Variants in TMTC4 observed in about 807,000 individuals in gnomAD.
The protein encoded by TMTC4 is protein O-mannosyl-transferase TMTC4.
Under a neutral mutation model 86.0 loss-of-function variants are expected in TMTC4, and 65 were observed. That is an observed-to-expected ratio of 0.76 (90% CI 0.62 to 0.93). TMTC4 has a LOEUF of 0.93. Among genes scored for constraint, TMTC4 ranks in the 40% least tolerant of loss-of-function variants. The pLI, the probability that TMTC4 is intolerant of heterozygous loss-of-function variation, is 0.00. For missense variants in TMTC4, 866 were observed against 948.1 expected (o/e 0.91, Z 1.14); for synonymous variants, 379 against 382.5 (o/e 0.99, Z 0.11).
chr13:100,673,265 GCTGACACGGCAGC>G, intron 1 of TMTC4: 1 of 976,924 alleles, frequency 1.0e-6, no homozygotes, highest in Non-Finnish European at 1.2e-6. Flanking sequence ...CCCAATGACA[GCTGACACGGCAGC>G]CTGGACTGCG....
chr13:100,604,931 A>G lies in TMTC4; in HGVS notation c.*63T>C. ...CTTTTAAATGGTTAAATGTAACCAC[A>G]TACTATTAATGATATGCCTCATGCA... On this transcript the variant is annotated 3_prime_UTR_variant, in exon 19 of 19. Transcript: ENST00000342624. The G allele has an allele frequency of 2.6e-6, 4 of 1,527,422 alleles. No homozygotes were observed. The highest frequency in any genetic ancestry group is 3.5e-6 in the Non-Finnish European group (4 of 1,137,594). The allele number at this position is 1,527,422 out of a possible 1,614,324, so 94.6% of individuals were successfully genotyped here.
In TMTC4 at chr13:100,652,641, GAAGT is replaced by G. The variant is rs1046444915; in HGVS notation, c.640+3736_640+3739del. Among the ~76,000 whole-genome samples the G allele has an allele frequency of 1.8e-4, 27 of 152,172 alleles. No individual in the cohort carries two copies. The South Asian group carries it at 5.6e-3, about 32-fold the overall frequency. The stretch of plus-strand genomic sequence containing the variant: ...GAAGGAAATTTAATAGAAGATGAAG[GAAGT>G]AAGTAGAACAAAGGCCATGGCCTCC... On this transcript the variant is annotated intron_variant, in intron 6 of 18. Coordinates refer to ENST00000342624, the MANE Select transcript of TMTC4 (RefSeq NM_032813.5).
chr13:100,660,840 G>A (rs7336855), intron 5 of TMTC4, among the ~76,000 whole-genome samples: 27,694 of 151,958 alleles, frequency 0.18, 2,977 homozygotes, highest in Middle Eastern at 0.26. Context: ...TTTTAGTAGA[G>A]ACGGTTTTTC....
chr13:100,611,351 C>T (rs1172336352), intron 17 of TMTC4, among the ~76,000 whole-genome samples: 1 of 151,952 alleles, frequency 6.6e-6, no homozygotes, highest in Non-Finnish European at 1.5e-5. Context: ...TTTGGGAAGC[C>T]GAGGAGGGTG....
At chr13:100,633,257 C>T (rs557763564) in intron 12 of TMTC4, among the ~76,000 whole-genome samples, 210 of 137,318 alleles carry the variant, frequency 1.5e-3, no homozygotes, top group African/African-American at 5.5e-3. Flanking sequence ...TGCAGTGAGC[C>T]GAGATCAGGC....
At chr13:100,620,379 G>C (rs1879291866) in intron 15 of TMTC4, among the ~76,000 whole-genome samples, 1 of 152,184 alleles carries the variant, frequency 6.6e-6, no homozygotes, top group South Asian at 2.1e-4. Flanking sequence ...GCAGTGGTCT[G>C]TCTCCATGAT....
chr13:100,630,043 G>A (rs868099281), intron 12 of TMTC4, among the ~76,000 whole-genome samples: 175 of 151,576 alleles, frequency 1.2e-3, no homozygotes, highest in South Asian at 8.6e-3. Flanking sequence ...GTGTGTGTGT[G>A]TGTGTGTGTG....
intron 7 of TMTC4, 119 bp downstream of exon 7, chr13:100,642,092 G>T: frequency 2.0e-6 from 2 of 994,436 alleles, no homozygotes; most frequent in Non-Finnish European, 3.0e-6. Context: ...ATCACCTCAG[G>T]CCAGCAATGG....
At chr13:100,671,564 C>G (rs1337020228) in intron 1 of TMTC4, among the ~76,000 whole-genome samples, 2 of 152,198 alleles carry the variant, frequency 1.3e-5, no homozygotes, top group Non-Finnish European at 2.9e-5. Context: ...GGTCCAGACT[C>G]TTGGGAAGTC....
chr13:100,637,898 T>G, intron 8 of TMTC4, 32 bp downstream of exon 8: 1 of 1,575,284 alleles, frequency 6.3e-7, no homozygotes, highest in Non-Finnish European at 8.7e-7. Flanking sequence ...ACATTTTCCA[T>G]GTCTGGGCTG....
At chr13:100,627,943 G>A (rs1043969825) in intron 12 of TMTC4, among the ~76,000 whole-genome samples, 1 of 152,182 alleles carries the variant, frequency 6.6e-6, no homozygotes, top group African/African-American at 2.4e-5. Flanking sequence ...GGGTGGTGGT[G>A]AATCTGTGGA....
intron 9 of TMTC4, 123 bp downstream of exon 9, chr13:100,637,415 G>A (rs371986869): frequency 3.9e-6 from 5 of 1,279,772 alleles, no homozygotes; most frequent in East Asian, 4.7e-5. Context: ...CAAACATGGA[G>A]GTGGCGCGTG....
intron 12 of TMTC4, among the ~76,000 whole-genome samples, chr13:100,631,433 T>C (rs974605556): frequency 1.3e-5 from 2 of 152,228 alleles, no homozygotes; most frequent in African/African-American, 4.8e-5. Flanking sequence ...TATTATAGAA[T>C]TGTATCACAG....
chr13:100,663,133 A>G lies in TMTC4; in HGVS notation c.383T>C (p.Val128Ala). Residue 128 changes from valine (V) to alanine (A), a missense_variant, in exon 5 of 19, where the codon GTG becomes GCG. Val to Ala is a moderately conservative substitution (Grantham distance 64, BLOSUM62 0). Transcript: ENST00000342624. ...GCCACTGTGCAGGAGGATGTTGACC[A>G]CGTGAAAGCCCACGGGGTGGAAGCC... Reference protein sequence around the residue: ...SGGFHPVGFHVVNILLHSGIS... With the variant: ...SGGFHPVGFHAVNILLHSGIS... 6.2e-7 allele frequency: 1 copy of G among 1,614,204 alleles called. No individual in the cohort carries two copies. Among genetic ancestry groups the G allele is most frequent in the South Asian group, 1.1e-5 (1 of 91,078 alleles).
At chr13:100,669,611 ATG>A (rs2139068304) in intron 2 of TMTC4, among the ~76,000 whole-genome samples, 1 of 152,190 alleles carries the variant, frequency 6.6e-6, no homozygotes, top group South Asian at 2.1e-4. Context: ...CATCCTTGCC[ATG>A]TGTTAGTTGT....
chr13:100,611,997 GAC>G (rs1457412492), intron 17 of TMTC4, among the ~76,000 whole-genome samples: 1 of 152,218 alleles, frequency 6.6e-6, no homozygotes, highest in African/African-American at 2.4e-5. Context: ...ATGTGCAAGT[GAC>G]AGAGTCAAAC....
chr13:100,606,267 AC>A lies in TMTC4; in HGVS notation c.2134+90del, dbSNP rs1876572921. 2.7e-5 allele frequency: 30 copies of A among 1,131,636 alleles called. No individual in the cohort carries two copies. The South Asian group carries it at 4.2e-4, about 16-fold the overall frequency. The allele number at this position is 1,131,636 out of a possible 1,614,324, so 70.1% of individuals were successfully genotyped here. ...TTAAAGCCAGGCTAGCTTTGAAAAA[AC>A]TACTCTCCCAACATTAATTTTATAG... On this transcript the variant is annotated intron_variant, in intron 18 of 18. Coordinates refer to ENST00000342624, the MANE Select transcript of TMTC4 (RefSeq NM_032813.5).
chr13:100,609,399 TATC>T (rs1438468076), intron 17 of TMTC4, among the ~76,000 whole-genome samples: 4 of 151,842 alleles, frequency 2.6e-5, no homozygotes, highest in Non-Finnish European at 5.9e-5. Context: ...GGCAAAAAAA[TATC>T]ATAAAGGTGT....
rs189936808 is a variant in TMTC4 at position 100,670,192 on chromosome 13, T to C, written c.3+168A>G. Reference sequence around the variant, plus strand: ...ATGAAAGAGAATTCCAGCCCCCTGATTGGGAAGGCAGTTTGGATGTATTTG... The same window carrying C: ...ATGAAAGAGAATTCCAGCCCCCTGACTGGGAAGGCAGTTTGGATGTATTTG... On this transcript the variant is annotated intron_variant, in intron 2 of 18. Coordinates refer to ENST00000342624, the MANE Select transcript of TMTC4 (RefSeq NM_032813.5). The C allele has an allele frequency of 1.3e-3, 815 of 625,170 alleles. 4 individuals carry two copies. Among genetic ancestry groups the C allele is most frequent in the Admixed American group, 4.8e-3 (123 of 25,524 alleles). 38.7% of individuals were successfully genotyped at this position (625,170 alleles called of 1,614,324 possible). A position where few individuals can be genotyped will look rare whatever the true frequency, so the allele number is the denominator to read the frequency against.
Sources: gnomAD v4.1 joint callset for allele counts (sites outside exome capture counted in the v4.1 genomes callset) on GRCh38, gnomAD v4.1.1 for gene constraint, MANE v1.5 for transcripts, NCBI Gene and HGNC (gene_info 2026-07-23, HGNC 2026-07-21) for gene names.